Variants in PCDHA7 observed in about 807,000 individuals in gnomAD.
PCDHA7 encodes the protein protocadherin alpha-7.
Under a neutral mutation model 57.2 loss-of-function variants are expected in PCDHA7, and 37 were observed. That is an observed-to-expected ratio of 0.65 (90% CI 0.50 to 0.85). The LOEUF is 0.85. Among genes scored for constraint, PCDHA7 ranks in the 40% least tolerant of loss-of-function variants. The pLI, the probability that PCDHA7 is intolerant of heterozygous loss-of-function variation, is 0.00. For synonymous variants in PCDHA7, 553 were observed against 558.8 expected, an observed-to-expected ratio of 0.99 and a Z score of 0.15; for missense variants, 1,188 against 1,241.8, an observed-to-expected ratio of 0.96 and a Z score of 0.65.
intron 1 of PCDHA7, chr5:140,882,602 A>T: frequency 6.2e-7 from 1 of 1,614,276 alleles, no homozygotes; most frequent in Non-Finnish European, 8.5e-7. Flanking sequence ...GATCGTGGAC[A>T]GGCCTCTGCA....
At chr5:140,968,116 A>C in intron 1 of PCDHA7, 1 of 1,614,174 alleles carries the variant, frequency 6.2e-7, no homozygotes, top group South Asian at 1.1e-5. Context: ...CGCAGCTCAC[A>C]TCCCTGCGTA....
chr5:140,893,795 C>T (rs1030354295), intron 1 of PCDHA7, among the ~76,000 whole-genome samples: 34 of 152,002 alleles, frequency 2.2e-4, no homozygotes, highest in African/African-American at 7.7e-4. Context: ...TTAGAATTCC[C>T]TCCTTGTCTT....
At chr5:140,895,862 A>T (rs1199310977) in intron 1 of PCDHA7, among the ~76,000 whole-genome samples, 1 of 152,136 alleles carries the variant, frequency 6.6e-6, no homozygotes, top group Non-Finnish European at 1.5e-5. Context: ...CCCAGGCTGG[A>T]GTGCAATGGC....
At chr5:140,863,088 CACG>C (rs782667679) in intron 1 of PCDHA7, 19 of 574,542 alleles carry the variant, frequency 3.3e-5, no homozygotes, top group Admixed American at 1.7e-4. Context: ...GCGAGATCAG[CACG>C]ACGAGTACCC....
At chr5:140,850,907 T>A (rs2150501889) in intron 1 of PCDHA7, 1 of 1,548,270 alleles carries the variant, frequency 6.5e-7, no homozygotes, top group East Asian at 2.3e-5. Flanking sequence ...TTTCTAGCAT[T>A]TTATTTATTT....
intron 1 of PCDHA7, among the ~76,000 whole-genome samples, chr5:140,903,212 A>G (rs1387552422): frequency 6.6e-6 from 1 of 152,192 alleles, no homozygotes; most frequent in African/African-American, 2.4e-5. Context: ...CACCACATTC[A>G]TGCCAACATC....
rs1554169144 is a variant in PCDHA7, at chr5:140,876,947, A to T, written c.2355+40209A>T. On this transcript the variant is annotated intron_variant, in intron 1 of 3. Transcript: ENST00000525929. ...GCGCAGAAGAACGCGCTGGTGTCCT[A>T]CTCGCTGGTGGAGCGGCGGGTGGGC... 1 of 1,613,496 alleles carries T rather than the reference A, an allele frequency of 6.2e-7. No homozygotes were observed. The highest frequency in any genetic ancestry group is 8.5e-7 in the Non-Finnish European group (1 of 1,179,858).
chr5:140,841,198 C>T (rs1554138026), intron 1 of PCDHA7: 1 of 1,281,234 alleles, frequency 7.8e-7, no homozygotes, highest in African/African-American at 1.5e-5. Flanking sequence ...TTTTCTCTGA[C>T]AGCATCTGTC....
At chr5:140,883,144 A>C (rs782107481) in intron 1 of PCDHA7, 4 of 1,614,086 alleles carry the variant, frequency 2.5e-6, no homozygotes, top group Non-Finnish European at 3.4e-6. Context: ...TGGTATATGC[A>C]TTTACCATAA....
At chr5:140,924,839 G>A (rs1049952478) in intron 1 of PCDHA7, among the ~76,000 whole-genome samples, 3 of 150,922 alleles carry the variant, frequency 2.0e-5, no homozygotes, top group Non-Finnish European at 4.4e-5. Context: ...AGGTTGCAGG[G>A]AGCTCAGATC....
chr5:140,877,179 G>A (rs1554169418), intron 1 of PCDHA7: 8 of 1,613,712 alleles, frequency 5.0e-6, no homozygotes, highest in East Asian at 2.2e-5. Flanking sequence ...TGGCGACTCC[G>A]GCTGGCAGCG....
At chr5:140,987,722 T>C (rs2097265966) in intron 3 of PCDHA7, among the ~76,000 whole-genome samples, 1 of 152,204 alleles carries the variant, frequency 6.6e-6, no homozygotes, top group Admixed American at 6.5e-5. Context: ...GAGTCTATCC[T>C]ACAGCTTCAA....
At chr5:140,968,886 A>G in intron 1 of PCDHA7, 1 of 1,614,186 alleles carries the variant, frequency 6.2e-7, no homozygotes, top group Non-Finnish European at 8.5e-7. Context: ...ATTACCCTTT[A>G]TCTAATAATA....
At chr5:140,846,129 T>C (rs1780211983) in intron 1 of PCDHA7, among the ~76,000 whole-genome samples, 1 of 149,730 alleles carries the variant, frequency 6.7e-6, no homozygotes, top group South Asian at 2.1e-4. Context: ...GATAGTTGTA[T>C]GTTTCCCATA....
intron 1 of PCDHA7, chr5:140,842,623 G>A (rs1778148921): frequency 4.4e-6 from 7 of 1,579,148 alleles, no homozygotes; most frequent in Middle Eastern, 1.7e-4. Flanking sequence ...GCTCGCCTTC[G>A]CTGTGGGCCA....
At chr5:140,848,581 G>C in intron 1 of PCDHA7, 1 of 1,595,130 alleles carries the variant, frequency 6.3e-7, no homozygotes, top group Non-Finnish European at 8.6e-7. Flanking sequence ...GTGGGGAGCG[G>C]CCAGCTCCAC....
intron 1 of PCDHA7, among the ~76,000 whole-genome samples, chr5:140,919,051 T>G (rs1443609855): frequency 1.3e-5 from 2 of 152,238 alleles, no homozygotes; most frequent in Non-Finnish European, 2.9e-5. Flanking sequence ...TTATTGGAAG[T>G]GGAGTATTAA....
intron 1 of PCDHA7, among the ~76,000 whole-genome samples, chr5:140,840,453 A>C (rs1554137802): frequency 1.3e-5 from 2 of 152,010 alleles, no homozygotes; most frequent in African/African-American, 4.8e-5. Flanking sequence ...GAAACGTTAA[A>C]TAAAAAGTTG....
chr5:140,995,113 A>G (rs560699104), intron 3 of PCDHA7, among the ~76,000 whole-genome samples: 68 of 152,252 alleles, frequency 4.5e-4, no homozygotes, highest in Non-Finnish European at 8.4e-4. Flanking sequence ...CAAGACCCTC[A>G]GTGGATGCCT....
Sources: allele counts gnomAD v4.1 joint callset (sites outside exome capture counted in the v4.1 genomes callset), GRCh38; gene constraint gnomAD v4.1.1; transcripts MANE v1.5; gene names NCBI Gene and HGNC (gene_info 2026-07-23, HGNC 2026-07-21).